Variants in SS18 observed in about 807,000 individuals in gnomAD.
The protein encoded by SS18 is protein SSXT.
SS18 carries 28 observed loss-of-function variants against 72.5 expected under a neutral mutation model. That is an observed-to-expected ratio of 0.39 (90% CI 0.29 to 0.53). SS18 has a LOEUF of 0.53. Ranked by LOEUF, SS18 falls within the 20% of genes least tolerant of loss-of-function variation. SS18 has a pLI of 0.76. For missense variants in SS18, 518 were observed against 535.3 expected, an observed-to-expected ratio of 0.97 and a Z score of 0.32; for synonymous variants, 172 against 164.2, an observed-to-expected ratio of 1.05 and a Z score of -0.37.
At chr18:26,087,202 T>C (rs963189182) in intron 2 of SS18, among the ~76,000 whole-genome samples, 1 of 152,054 alleles carries the variant, frequency 6.6e-6, no homozygotes, top group Non-Finnish European at 1.5e-5. Flanking sequence ...TTATATGAAA[T>C]GTCACAACAG....
chr18:26,071,956 T>C (rs1245802286), intron 3 of SS18, among the ~76,000 whole-genome samples: 1 of 151,850 alleles, frequency 6.6e-6, no homozygotes, highest in Non-Finnish European at 1.5e-5. Context: ...GAATGTTCTT[T>C]AGGAGGTGAA....
At chr18:26,088,637 T>G (rs1323766579) in intron 1 of SS18, among the ~76,000 whole-genome samples, 1 of 152,184 alleles carries the variant, frequency 6.6e-6, no homozygotes, top group Non-Finnish European at 1.5e-5. Flanking sequence ...ATTGTAGCAA[T>G]TAAAAGGCCA....
At chr18:26,058,414 C>G (rs12955243) in intron 3 of SS18, among the ~76,000 whole-genome samples, 8,399 of 152,262 alleles carry the variant, frequency 0.055, 269 homozygotes, top group East Asian at 0.12. Flanking sequence ...GGTGGTCTGC[C>G]ACACCTGGGT....
intron 2 of SS18, among the ~76,000 whole-genome samples, chr18:26,082,042 G>A (rs2054533495): frequency 6.6e-6 from 1 of 152,012 alleles, no homozygotes; most frequent in Non-Finnish European, 1.5e-5. Context: ...CTGGGCAAAA[G>A]AGTGAGATTA....
At chr18:26,086,669 T>C (rs549327172) in intron 2 of SS18, among the ~76,000 whole-genome samples, 1 of 152,208 alleles carries the variant, frequency 6.6e-6, no homozygotes, top group African/African-American at 2.4e-5. Context: ...TCAGATTCTA[T>C]TAGGGCATAT....
rs182541931 is a variant in SS18 at position 26,036,300 on chromosome 18, C to T, written c.881-377G>A. On this transcript the variant is annotated intron_variant, in intron 7 of 10. Transcript: ENST00000415083. ...GCAATTATCATATTTTGTCAAACAC[C>T]TGTTCTGCTGGTCTCCAATTCCACA... 2.0e-5 allele frequency among the ~76,000 whole-genome samples: 3 copies of T among 152,224 alleles called. No individual in the cohort carries two copies. In the East Asian group the frequency reaches 5.8e-4, roughly 29 times the overall value.
intron 2 of SS18, among the ~76,000 whole-genome samples, chr18:26,086,978 G>A (rs1158312604): frequency 6.6e-6 from 1 of 152,166 alleles, no homozygotes; most frequent in East Asian, 1.9e-4. Flanking sequence ...AATGTTCATA[G>A]CAGTATTATT....
chr18:26,076,273 A>G (rs2054410322), intron 3 of SS18, among the ~76,000 whole-genome samples: 1 of 148,250 alleles, frequency 6.7e-6, no homozygotes, highest in African/African-American at 2.5e-5. Flanking sequence ...TATTCTTGGA[A>G]AAAAAAAAAA....
At position 26,038,598 on chromosome 18, in the gene SS18, T is replaced by C. The variant is rs2053666059; in HGVS notation, c.837A>G (p.Gly279=). The change falls in exon 7 of 11, where the codon GGA becomes GGG. Residue 279 remains glycine, a synonymous_variant. Transcript: ENST00000415083. ...DYYGDQYSHG[G]QGPPEGMNQQ... Reference sequence around the variant, plus strand: ...GGTTCATGCCTTCTGGAGGACCTTGTCCACCATGACTGTATTGGTCCCCGT... The same window carrying C: ...GGTTCATGCCTTCTGGAGGACCTTGCCCACCATGACTGTATTGGTCCCCGT... 1 of 1,613,482 alleles carries C rather than the reference T, an allele frequency of 6.2e-7. No homozygotes were observed. The highest frequency in any genetic ancestry group is 1.7e-5 in the Admixed American group (1 of 59,986).
At chr18:26,055,385 T>C (rs2053999382) in intron 4 of SS18, among the ~76,000 whole-genome samples, 1 of 151,908 alleles carries the variant, frequency 6.6e-6, no homozygotes, top group African/African-American at 2.4e-5. Context: ...GAGAATCGCT[T>C]GAACCCGGGA....
chr18:26,082,263 C>T (rs2054537332), intron 2 of SS18: 1 of 495,418 alleles, frequency 2.0e-6, no homozygotes, highest in African/African-American at 2.1e-5. Context: ...CTAAGAGTAA[C>T]TCATCAATTA....
chr18:26,033,832 CCTCTCTT>C (rs143170507), intron 9 of SS18, among the ~76,000 whole-genome samples: 1,789 of 152,090 alleles, frequency 0.012, 26 homozygotes, highest in African/African-American at 0.041. Context: ...TTTCTTTCAC[CCTCTCTT>C]ACCATTGAAG....
At chr18:26,034,588 CA>C (rs60519717) in intron 9 of SS18, among the ~76,000 whole-genome samples, 10,632 of 133,402 alleles carry the variant, frequency 0.08, 536 homozygotes, top group Admixed American at 0.16. Flanking sequence ...CATTTGTACT[CA>C]AAAAAAAAAA....
chr18:26,043,126 GACA>G (rs1272129867), intron 5 of SS18, among the ~76,000 whole-genome samples: 9 of 152,006 alleles, frequency 5.9e-5, no homozygotes, highest in South Asian at 4.2e-4. Context: ...CTTCTTCACA[GACA>G]ACAACATTTT....
intron 9 of SS18, among the ~76,000 whole-genome samples, chr18:26,034,134 G>T (rs552086329): frequency 6.6e-6 from 1 of 152,002 alleles, no homozygotes; most frequent in African/African-American, 2.4e-5. Flanking sequence ...ATGCTGAGGG[G>T]GCAAGAGAAT....
intron 10 of SS18, among the ~76,000 whole-genome samples, chr18:26,027,361 GT>G (rs1010256005): frequency 6.6e-6 from 1 of 150,450 alleles, no homozygotes; most frequent in Non-Finnish European, 1.5e-5. Flanking sequence ...GTAAAAGAGA[GT>G]TTTTGGCTGG....
At chr18:26,057,782 A>G in intron 3 of SS18, 40 bp from the exon 4 acceptor site, 2 of 1,549,260 alleles carry the variant, frequency 1.3e-6, no homozygotes, top group Non-Finnish European at 1.7e-6. Context: ...GAAACAGACT[A>G]ATATACGAAA....
intron 9 of SS18, among the ~76,000 whole-genome samples, chr18:26,033,663 A>G (rs576354456): frequency 2.0e-5 from 3 of 152,220 alleles, no homozygotes; most frequent in East Asian, 3.9e-4. Flanking sequence ...TCAGCCTATT[A>G]TTTATTATAT....
intron 10 of SS18, among the ~76,000 whole-genome samples, chr18:26,021,497 T>G (rs1005034996): frequency 1.3e-5 from 2 of 152,192 alleles, no homozygotes; most frequent in East Asian, 3.9e-4. Context: ...TTGAACACTC[T>G]AAGCCTCACC....
Sources: gnomAD v4.1 joint callset for allele counts (sites outside exome capture counted in the v4.1 genomes callset) on GRCh38, gnomAD v4.1.1 for gene constraint, MANE v1.5 for transcripts, NCBI Gene and HGNC (gene_info 2026-07-23, HGNC 2026-07-21) for gene names.